Variants in USP46 observed in about 807,000 individuals in gnomAD.
The protein encoded by USP46 is ubiquitin carboxyl-terminal hydrolase 46.
USP46 carries 12 observed loss-of-function variants against 44.4 expected under a neutral mutation model. That is an observed-to-expected ratio of 0.27 (90% confidence interval 0.17 to 0.44). The LOEUF is 0.44. USP46 is among the 20% of genes least tolerant of loss of function. USP46 has a pLI of 1.00. For synonymous variants in USP46, 155 were observed against 161.5 expected, an observed-to-expected ratio of 0.96 and a Z score of 0.31; for missense variants, 248 against 444.8, an observed-to-expected ratio of 0.56 and a Z score of 3.98.
At chr4:52,604,913 T>C (rs1716627159) in intron 5 of USP46, among the ~76,000 whole-genome samples, 1 of 152,214 alleles carries the variant, frequency 6.6e-6, no homozygotes, top group African/African-American at 2.4e-5. Flanking sequence ...AAAAAACTCA[T>C]GATTTAATGG....
At chr4:52,657,208 T>A (rs1025017157) in intron 1 of USP46, among the ~76,000 whole-genome samples, 2 of 152,106 alleles carry the variant, frequency 1.3e-5, no homozygotes, top group East Asian at 3.9e-4. Flanking sequence ...CTAAATTTGG[T>A]ACCTTTTTAG....
rs1211026398 is a variant in USP46 at position 52,659,048 on chromosome 4, G to T, written c.36+67C>A. On this transcript the variant is annotated intron_variant, in intron 1 of 8. Transcript: ENST00000441222. The surrounding 1 kb of genome is among the most constrained non-coding windows in gnomAD (Gnocchi z 4.2). ...GCCCCAGCCACCGGGCGTGTGTGCA[G>T]CTCGGGCTTCCCTTTCTTTGCCTCG... The T allele has an allele frequency of 6.6e-7, 1 of 1,508,178 alleles. No homozygotes were observed. Among genetic ancestry groups the T allele is most frequent in the Non-Finnish European group, 8.9e-7 (1 of 1,127,042 alleles). 93.4% of individuals were successfully genotyped at this position (1,508,178 alleles called of 1,614,324 possible). A position where few individuals can be genotyped will look rare whatever the true frequency, so the allele number is the denominator to read the frequency against.
chr4:52,640,527 G>A (rs1718294976), intron 1 of USP46, among the ~76,000 whole-genome samples: 1 of 151,862 alleles, frequency 6.6e-6, no homozygotes, highest in Admixed American at 6.6e-5. Flanking sequence ...TAAAATTTTA[G>A]GCCAGGCTTA....
intron 1 of USP46, among the ~76,000 whole-genome samples, chr4:52,653,457 C>G (rs1186835924): frequency 6.9e-6 from 1 of 144,538 alleles, no homozygotes; most frequent in Non-Finnish European, 1.5e-5. Flanking sequence ...GTGAAGCCAT[C>G]GCACTCCAGC....
intron 1 of USP46, among the ~76,000 whole-genome samples, chr4:52,633,985 T>C (rs1718009907): frequency 6.6e-6 from 1 of 152,166 alleles, no homozygotes; most frequent in Non-Finnish European, 1.5e-5. Context: ...CAACACTTCC[T>C]CAACACCCCT....
At chr4:52,615,948 T>C (rs1717114168) in intron 4 of USP46, among the ~76,000 whole-genome samples, 1 of 151,886 alleles carries the variant, frequency 6.6e-6, no homozygotes, top group Non-Finnish European at 1.5e-5. Flanking sequence ...AACAGAACAA[T>C]CCCACAAAAA....
At chr4:52,598,794 C>T in intron 7 of USP46, 88 bp from the exon 8 acceptor site, 2 of 1,293,972 alleles carry the variant, frequency 1.5e-6, no homozygotes, top group Admixed American at 4.6e-5. Context: ...CAGTGATTCT[C>T]TGGGAAAAAA....
At chr4:52,656,461 G>C (rs1333690585) in intron 1 of USP46, 1 of 1,447,076 alleles carries the variant, frequency 6.9e-7, no homozygotes, top group African/African-American at 1.4e-5. Flanking sequence ...ACCTGAGCAG[G>C]GGGCGGGGTT....
intron 4 of USP46, among the ~76,000 whole-genome samples, chr4:52,621,251 G>T (rs1717364468): frequency 6.6e-6 from 1 of 152,068 alleles, no homozygotes; most frequent in Non-Finnish European, 1.5e-5. Context: ...AATAAATATA[G>T]TGGCAAAAAA....
intron 1 of USP46, among the ~76,000 whole-genome samples, chr4:52,632,968 G>GA (rs746313855): frequency 1.8e-3 from 137 of 74,702 alleles, no homozygotes; most frequent in African/African-American, 8.2e-3. Context: ...AAGAAAGAAA[G>GA]AAAGAAAGAA....
At position 52,597,181 on chromosome 4, in the gene USP46, A is replaced by G. The variant is rs1366235788; in HGVS notation, c.*459T>C. 1 of 154,774 alleles carries G rather than the reference A, an allele frequency of 6.5e-6. No homozygotes were observed. The highest frequency in any genetic ancestry group is 2.4e-5 in the African/African-American group (1 of 41,468). The allele number at this position is 154,774 out of a possible 1,614,324, so 9.6% of individuals were successfully genotyped here. A position where few individuals can be genotyped will look rare whatever the true frequency, so the allele number is the denominator to read the frequency against. ...CCCCTAAAAGGTGAATATCTACCCAATTCTTCTGTCCTTGTATCAGAAGAG... is the reference window on the plus strand; with the variant it reads ...CCCCTAAAAGGTGAATATCTACCCAGTTCTTCTGTCCTTGTATCAGAAGAG... On this transcript the variant is annotated 3_prime_UTR_variant, in exon 9 of 9. Coordinates refer to ENST00000441222, the MANE Select transcript of USP46 (RefSeq NM_022832.4).
intron 1 of USP46, among the ~76,000 whole-genome samples, chr4:52,633,002 G>GAAAGAAAGAAAGAAAAGA (rs1717969892): frequency 8.5e-6 from 1 of 117,026 alleles, no homozygotes; most frequent in South Asian, 2.7e-4. Flanking sequence ...AAGAAAGAAA[G>GAAAGAAAGAAAGAAAAGA]AAAGAAAGAA....
chr4:52,597,478 G>A lies in USP46; in HGVS notation c.*162C>T, dbSNP rs1197279334. The A allele has an allele frequency of 1.0e-5, 6 of 602,302 alleles. No homozygotes were observed. The highest frequency in any genetic ancestry group is 1.8e-5 in the Non-Finnish European group (6 of 340,138). 37.3% of individuals were successfully genotyped at this position (602,302 alleles called of 1,614,324 possible). Reference sequence around the variant, plus strand: ...CTGAAATAAAACCAAGAGTAGTGCTGCATGTAAAAACACAAAAGGAGAGAG... The same window carrying A: ...CTGAAATAAAACCAAGAGTAGTGCTACATGTAAAAACACAAAAGGAGAGAG... On this transcript the variant is annotated 3_prime_UTR_variant, in exon 9 of 9. Transcript: ENST00000441222.
chr4:52,641,968 T>C (rs1037455020), intron 1 of USP46, among the ~76,000 whole-genome samples: 1 of 152,148 alleles, frequency 6.6e-6, no homozygotes, highest in Non-Finnish European at 1.5e-5. Flanking sequence ...AGATCTATCG[T>C]TCAAAAGGCT....
At chr4:52,619,280 T>G (rs1239382134) in intron 4 of USP46, among the ~76,000 whole-genome samples, 1 of 151,174 alleles carries the variant, frequency 6.6e-6, no homozygotes, top group Non-Finnish European at 1.5e-5. Flanking sequence ...TAAGCAACAT[T>G]TACAAAGGGT....
At chr4:52,648,400 AG>A (rs1017318245) in intron 1 of USP46, among the ~76,000 whole-genome samples, 4 of 152,366 alleles carry the variant, frequency 2.6e-5, no homozygotes, top group African/African-American at 9.6e-5. Context: ...GAAAAGGATT[AG>A]AAAAGCATAA....
chr4:52,624,327 T>C lies in USP46; in HGVS notation c.561+1691A>G, dbSNP rs144161570. Among the ~76,000 whole-genome samples, 295 of 152,312 alleles carry C rather than the reference T, an allele frequency of 1.9e-3. 1 individual carries two copies. The highest frequency in any genetic ancestry group is 0.01 in the Middle Eastern group (3 of 294). On this transcript the variant is annotated intron_variant, in intron 4 of 8. Coordinates refer to ENST00000441222, the MANE Select transcript of USP46 (RefSeq NM_022832.4). ...GGAGGGAAGATCTCTGGATACTTAT[T>C]GGCATATTTATGTGCAGAAAGTGTT...
intron 1 of USP46, among the ~76,000 whole-genome samples, chr4:52,646,872 T>C (rs1718566298): frequency 6.6e-6 from 1 of 152,256 alleles, no homozygotes; most frequent in African/African-American, 2.4e-5. Flanking sequence ...AAAAGGTTTC[T>C]GGGTAGCACA....
At chr4:52,648,185 C>T (rs1718626752) in intron 1 of USP46, among the ~76,000 whole-genome samples, 1 of 152,136 alleles carries the variant, frequency 6.6e-6, no homozygotes, top group African/African-American at 2.4e-5. Context: ...CACTTGCCTC[C>T]CAAGGAAGCT....
Sources: allele counts gnomAD v4.1 joint callset (sites outside exome capture counted in the v4.1 genomes callset), GRCh38; gene constraint gnomAD v4.1.1; non-coding constraint Gnocchi (gnomAD v3.1); transcripts MANE v1.5; gene names NCBI Gene and HGNC (gene_info 2026-07-23, HGNC 2026-07-21).